Variants in NHERF1 observed in about 807,000 individuals in gnomAD.
The protein encoded by NHERF1 is Na(+)/H(+) exchange regulatory cofactor NHE-RF1.
the NHERF1 span, chr17:74,763,436 G>A: frequency 3.1e-3 from 4,965 of 1,614,038 alleles, 25 homozygotes; most frequent in Non-Finnish European, 2.9e-3. Context: ...TGGCGGGGAC[G>A]AGACCAAGCT....
At chr17:74,769,262 C>T in the NHERF1 span, 2,082 of 152,656 alleles carry the variant, frequency 0.014, 23 homozygotes, top group Non-Finnish European at 0.019. Flanking sequence ...AACTGGGCAG[C>T]ACGGGGAGGG....
At chr17:74,768,636 G>T in the NHERF1 span, 5 of 1,613,990 alleles carry the variant, frequency 3.1e-6, no homozygotes, top group Non-Finnish European at 4.2e-6. Context: ...CAAGAAAAAC[G>T]AACTCTTCAG....
chr17:74,766,904 C>G, the NHERF1 span: 3 of 1,612,356 alleles, frequency 1.9e-6, no homozygotes, highest in East Asian at 2.2e-5. Context: ...CATCCCCGTT[C>G]TGGACTCACC....
the NHERF1 span, among the ~76,000 whole-genome samples, chr17:74,752,543 T>G: frequency 6.6e-6 from 1 of 152,152 alleles, no homozygotes; most frequent in Non-Finnish European, 1.5e-5. Context: ...CCACCCAGGC[T>G]GGAGTGGTGT....
the NHERF1 span, among the ~76,000 whole-genome samples, chr17:74,752,215 G>A: frequency 5.9e-5 from 9 of 152,016 alleles, no homozygotes; most frequent in African/African-American, 1.9e-4. Context: ...TGGGAGGATC[G>A]CCTGAGCCCA....
At chr17:74,756,168 C>T in the NHERF1 span, among the ~76,000 whole-genome samples, 1 of 151,104 alleles carries the variant, frequency 6.6e-6, no homozygotes, top group African/African-American at 2.4e-5. Flanking sequence ...AGGCTGGTCT[C>T]AAACTCCTGT....
the NHERF1 span, among the ~76,000 whole-genome samples, chr17:74,760,271 C>T: frequency 6.6e-6 from 1 of 152,106 alleles, no homozygotes; most frequent in Non-Finnish European, 1.5e-5. The surrounding 1 kb of genome is among the most constrained non-coding windows in gnomAD (Gnocchi z 4.5). Flanking sequence ...GGAGTGGGCC[C>T]TGCAGTGAGG....
chr17:74,768,104 C>T, the NHERF1 span: 2 of 1,349,900 alleles, frequency 1.5e-6, no homozygotes, highest in Non-Finnish European at 1.1e-6. Context: ...AGGACCCCCT[C>T]ACCCCATCCT....
chr17:74,750,295 G>C, the NHERF1 span, among the ~76,000 whole-genome samples: 1 of 152,220 alleles, frequency 6.6e-6, no homozygotes, highest in Admixed American at 6.5e-5. Context: ...CCTGTCCCCA[G>C]AGAGTGGAGT....
the NHERF1 span, chr17:74,768,961 T>A: frequency 2.3e-6 from 1 of 434,694 alleles, no homozygotes; most frequent in Non-Finnish European, 4.2e-6. Flanking sequence ...GCCAGGATCA[T>A]GGGACCAGGC....
the NHERF1 span, chr17:74,767,957 C>T: frequency 1.4e-6 from 1 of 697,200 alleles, no homozygotes; most frequent in East Asian, 2.7e-5. Context: ...ACCAGCCTGC[C>T]CTCTGATCCC....
At chr17:74,768,299 G>C in the NHERF1 span, 1 of 1,418,080 alleles carries the variant, frequency 7.1e-7, no homozygotes, top group Non-Finnish European at 1.0e-6. Flanking sequence ...GGCCCCACTT[G>C]TTCCTGGCAC....
the NHERF1 span, among the ~76,000 whole-genome samples, chr17:74,758,977 A>T: frequency 6.6e-6 from 1 of 152,114 alleles, no homozygotes; most frequent in Non-Finnish European, 1.5e-5. This position sits in a 1 kb window ranked among gnomAD's most constrained non-coding sequence, Gnocchi z 4.3. Flanking sequence ...CTGACTCAGC[A>T]ACTGGCACTG....
the NHERF1 span, chr17:74,748,667 T>A: frequency 3.4e-6 from 2 of 592,738 alleles, no homozygotes; most frequent in Non-Finnish European, 5.9e-6. This position sits in a 1 kb window ranked among gnomAD's most constrained non-coding sequence, Gnocchi z 4.3. Flanking sequence ...TGGTCCTCTC[T>A]CGGCTCCTCG....
At chr17:74,766,964 G>C in the NHERF1 span, 3 of 1,614,038 alleles carry the variant, frequency 1.9e-6, no homozygotes, top group Non-Finnish European at 2.5e-6. Context: ...TCACCAATGG[G>C]GAGATACAGA....
the NHERF1 span, among the ~76,000 whole-genome samples, chr17:74,758,360 G>C: frequency 6.6e-6 from 1 of 152,180 alleles, no homozygotes; most frequent in Non-Finnish European, 1.5e-5. This position sits in a 1 kb window ranked among gnomAD's most constrained non-coding sequence, Gnocchi z 4.3. Flanking sequence ...AAGGGTGTGG[G>C]GGCAGCTCTC....
chr17:74,750,859 G>C, the NHERF1 span, among the ~76,000 whole-genome samples: 2 of 151,022 alleles, frequency 1.3e-5, no homozygotes, highest in Non-Finnish European at 2.9e-5. Context: ...CCTGGGAGGC[G>C]AACGTGGAGG....
the NHERF1 span, among the ~76,000 whole-genome samples, chr17:74,766,258 G>A: frequency 6.6e-5 from 10 of 151,988 alleles, no homozygotes; most frequent in South Asian, 6.2e-4. Flanking sequence ...GTGTAGTGGC[G>A]TGATCTCGGC....
the NHERF1 span, among the ~76,000 whole-genome samples, chr17:74,758,929 C>CA: frequency 6.6e-6 from 1 of 152,194 alleles, no homozygotes; most frequent in African/African-American, 2.4e-5. The surrounding 1 kb of genome is among the most constrained non-coding windows in gnomAD (Gnocchi z 4.3). Flanking sequence ...CTGCCAGCCC[C>CA]AGCCTCCACC....
Sources: gnomAD v4.1 joint callset for allele counts (sites outside exome capture counted in the v4.1 genomes callset) on GRCh38, gnomAD v4.1.1 for gene constraint, Gnocchi (gnomAD v3.1) non-coding constraint, MANE v1.5 for transcripts, NCBI Gene and HGNC (gene_info 2026-07-23, HGNC 2026-07-21) for gene names.